The following FTO variants were observed in gnomAD, a reference collection of about 807,000 sequenced individuals.
FTO encodes alpha-ketoglutarate-dependent dioxygenase FTO.
A neutral mutation model predicts 63.9 loss-of-function variants in FTO; 47 were observed. The observed-to-expected ratio is 0.74, with a 90% CI of 0.58 to 0.94. The LOEUF is 0.94. Among genes scored for constraint, FTO ranks in the 40% least tolerant of loss-of-function variants. FTO has a pLI of 0.00. For synonymous variants in FTO, 207 were observed against 224.4 expected (o/e 0.92, Z 0.69); for missense variants, 562 against 618.1 (o/e 0.91, Z 0.96).
At chr16:53,847,493 C>T (rs1306985655) in intron 4 of FTO, among the ~76,000 whole-genome samples, 1 of 152,128 alleles carries the variant, frequency 6.6e-6, no homozygotes, top group Non-Finnish European at 1.5e-5. Context: ...ATAGGCCAGG[C>T]GCAGTGGCTC....
chr16:53,737,310 AC>A (rs1307668063), intron 1 of FTO, among the ~76,000 whole-genome samples: 1 of 152,358 alleles, frequency 6.6e-6, no homozygotes, highest in Admixed American at 6.5e-5. Context: ...TGACAAGGAT[AC>A]ATTCTGAGAA....
rs1307529490 is a variant in FTO, at chr16:53,760,237, TGTGTGTGTGTGTGTGTGTGTG to T, written c.46-49902_46-49882del. On this transcript the variant is annotated intron_variant, in intron 1 of 8. Coordinates refer to ENST00000471389, the MANE Select transcript of FTO (RefSeq NM_001080432.3). ...GTGTGTGTGTGTGTGTGTGTGTGTG[TGTGTGTGTGTGTGTGTGTGTG>T]TGTTTTTTGGAGACAGGGTCTCACT... 6.9e-3 allele frequency among the ~76,000 whole-genome samples: 108 copies of T among 15,698 alleles called. 1 individual carries two copies. Among genetic ancestry groups the T allele is most frequent in the African/African-American group, 0.061 (85 of 1,396 alleles). The allele number at this position is 15,698 out of a possible 152,430, so 10.3% of individuals were successfully genotyped here. A position where few individuals can be genotyped will look rare whatever the true frequency, so the allele number is the denominator to read the frequency against.
At chr16:54,110,139 C>T (rs2086848578) in intron 8 of FTO, among the ~76,000 whole-genome samples, 1 of 152,172 alleles carries the variant, frequency 6.6e-6, no homozygotes, top group African/African-American at 2.4e-5. Context: ...ACCCTCAGAA[C>T]AACGACAGCA....
At chr16:53,731,313 A>C (rs936834826) in intron 1 of FTO, among the ~76,000 whole-genome samples, 3 of 152,164 alleles carry the variant, frequency 2.0e-5, no homozygotes, top group Non-Finnish European at 4.4e-5. Context: ...ACCTATAGGG[A>C]TCTGCTTCTC....
At chr16:54,059,997 G>C (rs569533019) in intron 8 of FTO, among the ~76,000 whole-genome samples, 1 of 152,064 alleles carries the variant, frequency 6.6e-6, no homozygotes, top group African/African-American at 2.4e-5. Flanking sequence ...TTGACATTCT[G>C]TGTGCAGTCA....
intron 8 of FTO, among the ~76,000 whole-genome samples, chr16:54,067,499 C>CTCCG (rs1199999272): frequency 6.6e-6 from 1 of 152,222 alleles, no homozygotes; most frequent in Non-Finnish European, 1.5e-5. Context: ...TCCGCATGTG[C>CTCCG]TCCGCATCAG....
At chr16:53,937,970 T>A (rs1042058972) in intron 8 of FTO, 1 of 152,208 alleles carries the variant, frequency 6.6e-6, no homozygotes, top group Non-Finnish European at 1.5e-5. Flanking sequence ...TATTATGGGA[T>A]AATTATTCAT....
intron 8 of FTO, among the ~76,000 whole-genome samples, chr16:54,079,865 CTATT>C (rs1415731563): frequency 6.6e-6 from 1 of 152,116 alleles, no homozygotes; most frequent in African/African-American, 2.4e-5. Flanking sequence ...ATTAAGATCT[CTATT>C]TATTTTTCTC....
chr16:53,987,598 G>A (rs67811580), intron 8 of FTO, among the ~76,000 whole-genome samples: 3,832 of 137,234 alleles, frequency 0.028, 108 homozygotes, highest in African/African-American at 0.06. Context: ...AAAAAAAAAA[G>A]AAAAGAAAAG....
chr16:53,921,935 C>T (rs1430504490), intron 7 of FTO, among the ~76,000 whole-genome samples: 1 of 152,036 alleles, frequency 6.6e-6, no homozygotes. Flanking sequence ...GAGGTAACAG[C>T]GAGCTAGAGA....
intron 8 of FTO, among the ~76,000 whole-genome samples, chr16:54,005,855 G>A (rs2084191633): frequency 6.6e-6 from 1 of 152,170 alleles, no homozygotes; most frequent in African/African-American, 2.4e-5. Flanking sequence ...GGACTTTTTG[G>A]CCAAGATTAA....
intron 4 of FTO, among the ~76,000 whole-genome samples, chr16:53,869,541 G>GTTTTTTTTTT (rs35983302): frequency 8.0e-6 from 1 of 125,226 alleles, no homozygotes; most frequent in Non-Finnish European, 1.7e-5. Context: ...CCATAGTTCT[G>GTTTTTTTTTT]TTTTTTTTTT....
chr16:53,940,904 C>T (rs2082513973), intron 8 of FTO, among the ~76,000 whole-genome samples: 1 of 152,326 alleles, frequency 6.6e-6, no homozygotes, highest in African/African-American at 2.4e-5. Flanking sequence ...CCCATCACCA[C>T]CTACCCCCAG....
intron 1 of FTO, among the ~76,000 whole-genome samples, chr16:53,778,659 A>G (rs1442675402): frequency 6.6e-6 from 1 of 152,144 alleles, no homozygotes; most frequent in Non-Finnish European, 1.5e-5. Context: ...TTGAAGGCCA[A>G]TTTCCTTTTT....
intron 8 of FTO, among the ~76,000 whole-genome samples, chr16:54,025,790 A>G (rs532923426): frequency 6.6e-6 from 1 of 151,876 alleles, no homozygotes; most frequent in Admixed American, 6.5e-5. Context: ...AGACAGGCGG[A>G]TCACCTGAGG....
intron 8 of FTO, among the ~76,000 whole-genome samples, chr16:54,096,572 A>G (rs2086521015): frequency 6.6e-6 from 1 of 152,252 alleles, no homozygotes; most frequent in South Asian, 2.1e-4. Flanking sequence ...ACTGGAGTCA[A>G]TGACACATAT....
chr16:53,814,281 A>C (rs1441779507), intron 2 of FTO, among the ~76,000 whole-genome samples: 1 of 152,206 alleles, frequency 6.6e-6, no homozygotes, highest in South Asian at 2.1e-4. Flanking sequence ...GTCAGAAAAC[A>C]AACTCTGACT....
chr16:53,939,438 T>G (rs2082471673), intron 8 of FTO, among the ~76,000 whole-genome samples: 1 of 152,186 alleles, frequency 6.6e-6, no homozygotes, highest in East Asian at 1.9e-4. Flanking sequence ...TTTAAAAAAT[T>G]GAGGTACAAG....
intron 1 of FTO, among the ~76,000 whole-genome samples, chr16:53,710,527 CGTT>C (rs1455728778): frequency 1.3e-5 from 2 of 151,988 alleles, no homozygotes; most frequent in African/African-American, 4.8e-5. Flanking sequence ...CCTCCCAAAG[CGTT>C]GGGATTACAG....
Sources: allele counts gnomAD v4.1 joint callset (sites outside exome capture counted in the v4.1 genomes callset), GRCh38; gene constraint gnomAD v4.1.1; transcripts MANE v1.5; gene names NCBI Gene and HGNC (gene_info 2026-07-23, HGNC 2026-07-21).